Variants in HS3ST2 observed in about 807,000 individuals in gnomAD.
HS3ST2 encodes heparan sulfate-glucosamine 3-sulfotransferase 2.
HS3ST2 carries 17 observed loss-of-function variants against 26.3 expected under a neutral mutation model. That is an observed-to-expected ratio of 0.65 (90% CI 0.44 to 0.97). HS3ST2 has a LOEUF of 0.97. Among genes scored for constraint, HS3ST2 ranks in the 50% least tolerant of loss-of-function variants. HS3ST2 has a pLI of 0.00. For missense variants in HS3ST2, 402 were observed against 501.2 expected (o/e 0.80, Z 1.89); for synonymous variants, 237 against 219.2 (o/e 1.08, Z -0.72).
intron 1 of HS3ST2, among the ~76,000 whole-genome samples, chr16:22,905,138 C>G (rs1397401486): frequency 1.3e-5 from 2 of 152,238 alleles, no homozygotes; most frequent in Non-Finnish European, 2.9e-5. Flanking sequence ...GCAGCCGGGT[C>G]TTCCAGAACA....
chr16:22,913,910 G>A (rs552248397), intron 1 of HS3ST2, among the ~76,000 whole-genome samples: 4 of 152,232 alleles, frequency 2.6e-5, no homozygotes, highest in Non-Finnish European at 5.9e-5. Flanking sequence ...GCTGAGGCAG[G>A]AGAATCACTT....
At chr16:22,839,663 A>G (rs9938635) in intron 1 of HS3ST2, among the ~76,000 whole-genome samples, 2,552 of 150,672 alleles carry the variant, frequency 0.017, 69 homozygotes, top group African/African-American at 0.055. Flanking sequence ...TTCCCCTTTT[A>G]CCTAAAGATT....
chr16:22,815,132 CT>C, intron 1 of HS3ST2, 37 bp downstream of exon 1: 1 of 1,602,398 alleles, frequency 6.2e-7, no homozygotes, highest in East Asian at 2.2e-5. Context: ...CGCCGGGTCT[CT>C]GATCGCTTCC....
chr16:22,842,923 T>C (rs1030991971), intron 1 of HS3ST2, among the ~76,000 whole-genome samples: 1 of 152,238 alleles, frequency 6.6e-6, no homozygotes, highest in Non-Finnish European at 1.5e-5. Context: ...TTGTGCCATG[T>C]AATGTGCTCT....
At chr16:22,866,363 G>GGT (rs1442625101) in intron 1 of HS3ST2, among the ~76,000 whole-genome samples, 1 of 115,022 alleles carries the variant, frequency 8.7e-6, no homozygotes. Flanking sequence ...TTGACAATAT[G>GGT]GTGTGCGTGT....
intron 1 of HS3ST2, among the ~76,000 whole-genome samples, chr16:22,913,180 GAGGGCGGA>G (rs201435831): frequency 0.015 from 1,934 of 125,272 alleles, 43 homozygotes; most frequent in African/African-American, 0.051. Flanking sequence ...GGGAGGGAGG[GAGGGCGGA>G]AGGAAGGAAG....
chr16:22,842,054 T>TTTTC (rs1036276781), intron 1 of HS3ST2, among the ~76,000 whole-genome samples: 3 of 139,198 alleles, frequency 2.2e-5, no homozygotes, highest in Non-Finnish European at 3.0e-5. Context: ...TCTTTTTTTC[T>TTTTC]TTTCTTTCTT....
At chr16:22,827,676 G>A (rs1901108590) in intron 1 of HS3ST2, among the ~76,000 whole-genome samples, 1 of 151,472 alleles carries the variant, frequency 6.6e-6, no homozygotes, top group Non-Finnish European at 1.5e-5. Flanking sequence ...TTGCTGCTGA[G>A]GTTGATGATG....
intron 1 of HS3ST2, among the ~76,000 whole-genome samples, chr16:22,901,459 C>T (rs753562191): frequency 6.6e-6 from 1 of 151,936 alleles, no homozygotes; most frequent in Non-Finnish European, 1.5e-5. Context: ...TTCAACAAGA[C>T]CCCTACACGA....
intron 1 of HS3ST2, among the ~76,000 whole-genome samples, chr16:22,848,956 A>G (rs1901483342): frequency 6.6e-6 from 1 of 152,236 alleles, no homozygotes; most frequent in African/African-American, 2.4e-5. Context: ...CTTGCATTCA[A>G]TGTGAGAGTC....
intron 1 of HS3ST2, 107 bp downstream of exon 1, chr16:22,815,202 G>C: frequency 7.0e-7 from 1 of 1,429,946 alleles, no homozygotes; most frequent in East Asian, 2.5e-5. Flanking sequence ...CTCATTGTAT[G>C]GGTTCAGGCT....
At chr16:22,886,129 G>A (rs1342328812) in intron 1 of HS3ST2, among the ~76,000 whole-genome samples, 4 of 152,122 alleles carry the variant, frequency 2.6e-5, no homozygotes, top group Admixed American at 2.0e-4. Context: ...AAGCAGCTAC[G>A]GATTCTGTTT....
At chr16:22,896,837 C>T (rs1902218219) in intron 1 of HS3ST2, among the ~76,000 whole-genome samples, 1 of 152,036 alleles carries the variant, frequency 6.6e-6, no homozygotes, top group Non-Finnish European at 1.5e-5. Context: ...CAGAGTCTTG[C>T]TTTGTTGCCC....
intron 1 of HS3ST2, among the ~76,000 whole-genome samples, chr16:22,890,509 T>C (rs1451267772): frequency 6.6e-6 from 1 of 152,204 alleles, no homozygotes; most frequent in Non-Finnish European, 1.5e-5. Flanking sequence ...TTTTGTGCAA[T>C]AGGTGACCTT....
intron 1 of HS3ST2, among the ~76,000 whole-genome samples, chr16:22,830,939 G>T (rs1038153947): frequency 2.0e-5 from 3 of 152,104 alleles, no homozygotes; most frequent in Non-Finnish European, 4.4e-5. Context: ...CTCAACTCTT[G>T]CCAGAAATAG....
In HS3ST2 at chr16:22,846,275, T is replaced by TAA. The variant is rs35955821; in HGVS notation, c.485+31193_485+31194dup. ...CTGGGTGGCAGAGTGAGACTCGATT[T>TAA]AAAAAAAAAAAAAAGTATATATGTA... is the stretch of plus-strand genomic sequence containing the variant. On this transcript the variant is annotated intron_variant, in intron 1 of 1. Transcript: ENST00000261374. Among the ~76,000 whole-genome samples, 973 of 145,980 alleles carry TAA rather than the reference T, an allele frequency of 6.7e-3. 14 individuals are homozygous for TAA. Among genetic ancestry groups the TAA allele is most frequent in the African/African-American group, 0.023 (908 of 39,492 alleles).
chr16:22,864,882 C>CACAAAAAAA (rs1901727610), intron 1 of HS3ST2, among the ~76,000 whole-genome samples: 1 of 57,170 alleles, frequency 1.7e-5, no homozygotes, highest in African/African-American at 6.4e-5. Context: ...CCTGTCTCCA[C>CACAAAAAAA]AAAAAAAAAA....
Position 22,915,879 on chromosome 16 carries a change from G to T in HS3ST2, c.*317G>T. On this transcript the variant is annotated 3_prime_UTR_variant, in exon 2 of 2. Coordinates refer to ENST00000261374, the MANE Select transcript of HS3ST2 (RefSeq NM_006043.2). Reference sequence around the variant, plus strand: ...AAGAGTGAATGTTCCAATGATGATAGATATTATAAGCGATGATGGTTCTGT... The same window carrying T: ...AAGAGTGAATGTTCCAATGATGATATATATTATAAGCGATGATGGTTCTGT... 3.1e-6 allele frequency: 1 copy of T among 324,896 alleles called. No individual in the cohort carries two copies. The highest frequency in any genetic ancestry group is 5.4e-5 in the South Asian group (1 of 18,580). The allele number at this position is 324,896 out of a possible 1,614,324, so 20.1% of individuals were successfully genotyped here. A position where few individuals can be genotyped will look rare whatever the true frequency, so the allele number is the denominator to read the frequency against.
intron 1 of HS3ST2, among the ~76,000 whole-genome samples, chr16:22,895,070 C>CTTTTTTTTTTTTTTTTT (rs55861016): frequency 7.4e-6 from 1 of 134,722 alleles, no homozygotes; most frequent in Admixed American, 7.4e-5. Context: ...TTCTTTCTTT[C>CTTTTTTTTTTTTTTTTT]TTTTTTTTTT....
Sources: allele counts gnomAD v4.1 joint callset (sites outside exome capture counted in the v4.1 genomes callset), GRCh38; gene constraint gnomAD v4.1.1; transcripts MANE v1.5; gene names NCBI Gene and HGNC (gene_info 2026-07-23, HGNC 2026-07-21).